The following MADD variants were observed in gnomAD, a reference collection of about 807,000 sequenced individuals.
MADD encodes MAP kinase-activating death domain protein.
In MADD, 109 loss-of-function variants were observed where a neutral mutation model predicts 176.7. That is an observed-to-expected ratio of 0.62 (90% confidence interval 0.53 to 0.72). The LOEUF (loss-of-function observed/expected upper bound fraction) is 0.72, where lower values mean the gene tolerates loss of function less well. Among genes scored for constraint, MADD ranks in the 30% least tolerant of loss-of-function variants. MADD has a pLI of 0.00. For synonymous variants in MADD, 771 were observed against 771.3 expected, an observed-to-expected ratio of 1.00 and a Z score of 0.01; for missense variants, 1,914 against 2,045.5, an observed-to-expected ratio of 0.94 and a Z score of 1.24.
At chr11:47,279,705 G>A (rs2054547640) in intron 7 of MADD, among the ~76,000 whole-genome samples, 1 of 152,004 alleles carries the variant, frequency 6.6e-6, no homozygotes, top group Admixed American at 6.6e-5. Flanking sequence ...TTAGGTGGAA[G>A]TTAGTAGTGT....
chr11:47,311,786 A>C lies in MADD; in HGVS notation c.4033A>C (p.Ile1345Leu), dbSNP rs760291647. The change falls in exon 26 of 33, where the codon ATT becomes CTT. Residue 1345 changes from isoleucine (I) to leucine (L), a missense_variant. Ile to Leu is a conservative substitution (Grantham distance 5). Around this residue, in one of 2 missense-constraint regions of MADD, gnomAD observed 1,767 missense variants for 1,836.0 expected, o/e 0.96. Coordinates refer to ENST00000402192, the Ensembl canonical transcript of MADD. ...GAGGCGCCTAATGGGAAAGTCGCAC[A>C]TTGGGCTTGTGTACAGCCAGCAAAT... 19 of 1,614,004 alleles carry C rather than the reference A, an allele frequency of 1.2e-5. No individual in the cohort carries two copies. The Admixed American group carries it at 3.2e-4, about 27-fold the overall frequency.
chr11:47,317,875 T>A (rs759987954), intron 27 of MADD, among the ~76,000 whole-genome samples: 97 of 152,152 alleles, frequency 6.4e-4, no homozygotes, highest in Non-Finnish European at 1.0e-3. Flanking sequence ...GTTCAAGCAG[T>A]TCTCCTGCCT....
At chr11:47,296,480 A>T (rs1593281434) in intron 22 of MADD, among the ~76,000 whole-genome samples, 2 of 152,320 alleles carry the variant, frequency 1.3e-5, no homozygotes, top group Middle Eastern at 3.4e-3. Context: ...ATTTTATTTT[A>T]GTATATTCCT....
chr11:47,326,223 T>C (rs1420624337), intron 30 of MADD, among the ~76,000 whole-genome samples: 1 of 152,232 alleles, frequency 6.6e-6, no homozygotes, highest in Non-Finnish European at 1.5e-5. Flanking sequence ...GCTCAGCAAG[T>C]GGTAGCTGAT....
intron 28 of MADD, 112 bp downstream of exon 31, chr11:47,323,947 C>A: frequency 8.1e-7 from 1 of 1,229,800 alleles, no homozygotes. Context: ...ACACTTCTGT[C>A]TCCAGCTGTT....
At position 47,308,867 on chromosome 11, in the gene MADD, T is replaced by C. The variant is rs562266311; in HGVS notation, c.3751+168T>C. The stretch of plus-strand genomic sequence containing the variant: ...GACTTACTGGGTCCAGAACAAGCAG[T>C]GGGTGAAAACTGGACAAGATTGGGT... On this transcript the variant is annotated intron_variant, in intron 23 of 32. Transcript: ENST00000402192. 29 of 1,116,800 alleles carry C rather than the reference T, an allele frequency of 2.6e-5. No homozygotes were observed. The African/African-American group carries it at 3.1e-4, about 12-fold the overall frequency. 69.2% of individuals were successfully genotyped at this position (1,116,800 alleles called of 1,614,324 possible). A position where few individuals can be genotyped will look rare whatever the true frequency, so the allele number is the denominator to read the frequency against.
At chr11:47,270,502 C>T (rs909820229) in intron 1 of MADD, among the ~76,000 whole-genome samples, 1 of 3,448 alleles carries the variant, frequency 2.9e-4, no homozygotes, top group Non-Finnish European at 5.5e-4. Flanking sequence ...AGGTTCGGGG[C>T]GGGGGCGGGG....
At chr11:47,320,423 C>A (rs981148251) in intron 27 of MADD, among the ~76,000 whole-genome samples, 6 of 151,736 alleles carry the variant, frequency 4.0e-5, no homozygotes, top group African/African-American at 1.5e-4. Context: ...CCACTTCACT[C>A]CAGCCTGGGC....
At chr11:47,302,819 A>C (rs2078967753) in intron 22 of MADD, among the ~76,000 whole-genome samples, 1 of 151,592 alleles carries the variant, frequency 6.6e-6, no homozygotes, top group Admixed American at 6.6e-5. Flanking sequence ...ATTATTTTGT[A>C]TGTCCTTTGT....
chr11:47,286,377 A>T (rs1262078803), intron 14 of MADD, 56 bp from the exon 15 acceptor site: 2 of 1,124,426 alleles, frequency 1.8e-6, no homozygotes, highest in Non-Finnish European at 2.7e-6. Flanking sequence ...TCATTAGTCT[A>T]CTGCTTTGAT....
chr11:47,329,195 G>A (rs1398689240), exon 33 of MADD: 1 of 1,442,484 alleles, frequency 6.9e-7, no homozygotes, highest in Admixed American at 1.7e-5. Flanking sequence ...CACGCCCCTG[G>A]CCCCTTGCTG....
intron 30 of MADD, 57 bp from the exon 34 acceptor site, chr11:47,326,487 G>T: frequency 7.6e-7 from 1 of 1,321,222 alleles, no homozygotes; most frequent in Non-Finnish European, 9.7e-7. Flanking sequence ...TTCGGGTTGG[G>T]TTTGACCATT....
chr11:47,292,512 TTCTC>T, intron 19 of MADD, 27 bp from the exon 21 acceptor site: 1 of 1,609,942 alleles, frequency 6.2e-7, no homozygotes. Context: ...CTTTCTGTCT[TTCTC>T]TCCTGCTTGC....
At position 47,282,975 on chromosome 11, in the gene MADD, C is replaced by T. The variant is rs755042718; in HGVS notation, c.1862+6C>T. On this transcript the variant is annotated splice_donor_region_variant and intron_variant, in intron 10 of 32. Coordinates refer to ENST00000402192, the Ensembl canonical transcript of MADD. ...TCCGAACCTACTGATGATAGGTGAG[C>T]ATCCTTAGGGCAGCAAAAAGGTTTT... 6.2e-7 allele frequency: 1 copy of T among 1,612,804 alleles called. No individual in the cohort carries two copies. The highest frequency in any genetic ancestry group is 1.1e-5 in the South Asian group (1 of 91,024).
intron 20 of MADD, 34 bp downstream of exon 22, chr11:47,294,017 T>A: frequency 6.7e-7 from 1 of 1,481,812 alleles, no homozygotes; most frequent in Non-Finnish European, 9.4e-7. Context: ...TTGCAAGTAT[T>A]AAATATGCTG....
intron 27 of MADD, among the ~76,000 whole-genome samples, chr11:47,320,069 C>CT (rs551543837): frequency 0.038 from 5,110 of 133,668 alleles, 130 homozygotes; most frequent in South Asian, 0.13. Context: ...CTTTCCGTGT[C>CT]TTTTTTTTTT....
Position 47,290,685 on chromosome 11 carries a change from G to A in MADD, c.3170G>A (p.Arg1057Gln), listed in dbSNP as rs375286995. ...GGCAAGGATCCTGGCCTAGCTGGGC[G>A]GGGGGACCCAAAGGCTATGGCACAA... The change falls in exon 19 of 33, where the codon CGG becomes CAG. Residue 1057 changes from arginine to glutamine, a missense_variant. Physicochemically the swap from Arg to Gln is conservative, Grantham distance 43. Transcript: ENST00000402192. 3.4e-5 allele frequency: 55 copies of A among 1,613,958 alleles called. No homozygotes were observed. Among genetic ancestry groups the A allele is most frequent in the South Asian group, 9.9e-5 (9 of 91,080 alleles).
rs879262320 is a variant in MADD, at chr11:47,325,001, G to A, written c.4542+424G>A. 2.0e-5 allele frequency: 11 copies of A among 549,822 alleles called. No homozygotes were observed. Among genetic ancestry groups the A allele is most frequent in the African/African-American group, 3.8e-5 (2 of 52,816 alleles). 34.1% of individuals were successfully genotyped at this position (549,822 alleles called of 1,614,324 possible). A position where few individuals can be genotyped will look rare whatever the true frequency, so the allele number is the denominator to read the frequency against. On this transcript the variant is annotated intron_variant, in intron 30 of 32. Coordinates refer to ENST00000402192, the Ensembl canonical transcript of MADD. This position sits in a 1 kb window ranked among gnomAD's most constrained non-coding sequence, Gnocchi z 4.5. ...TCTTTCTGGTGTGCGTGCAGCTTGC[G>A]TGTGCGTGCGTGCGTGCCTGCGTGC...
chr11:47,321,137 A>G (rs947264460), intron 27 of MADD, among the ~76,000 whole-genome samples: 5 of 152,226 alleles, frequency 3.3e-5, no homozygotes, highest in African/African-American at 1.2e-4. Context: ...CTATAACAGT[A>G]TATTACAAGC....
Sources: gnomAD v4.1 joint callset for allele counts (sites outside exome capture counted in the v4.1 genomes callset) on GRCh38, gnomAD v4.1.1 for gene constraint, gnomAD v4.1.1 regional missense constraint, Gnocchi (gnomAD v3.1) non-coding constraint, MANE v1.5 for transcripts, NCBI Gene and HGNC (gene_info 2026-07-23, HGNC 2026-07-21) for gene names.